The following CPSF6 variants were observed in gnomAD, a reference collection of about 807,000 sequenced individuals.
The protein encoded by CPSF6 is cleavage and polyadenylation specificity factor subunit 6.
Under a neutral mutation model 56.7 loss-of-function variants are expected in CPSF6, and 10 were observed. That is an observed-to-expected ratio of 0.18 (90% CI 0.11 to 0.30). CPSF6 has a LOEUF of 0.30. Ranked by LOEUF, CPSF6 falls within the 10% of genes least tolerant of loss-of-function variation. CPSF6 has a pLI of 1.00. For missense variants in CPSF6, 419 were observed against 722.9 expected, an observed-to-expected ratio of 0.58 and a Z score of 4.82; for synonymous variants, 248 against 244.8, an observed-to-expected ratio of 1.01 and a Z score of -0.12.
intron 1 of CPSF6, 62 bp downstream of exon 1, chr12:69,239,768 C>CG: frequency 6.8e-7 from 1 of 1,471,562 alleles, no homozygotes; most frequent in Non-Finnish European, 9.0e-7. Context: ...GAAGCTGACC[C>CG]GGGGCCCGCT....
chr12:69,271,265 G>T lies in CPSF6; in HGVS notation c.*1757G>T, dbSNP rs984309203. On this transcript the variant is annotated 3_prime_UTR_variant, in exon 10 of 10. Transcript: ENST00000435070. The stretch of plus-strand genomic sequence containing the variant: ...GCTTTTTTAACATTATTTTAGAGTT[G>T]TATCAAAATTTTCCTGTTTTCTGTA... The T allele has an allele frequency of 6.6e-6, 1 of 151,998 alleles. No individual in the cohort carries two copies. Among genetic ancestry groups the T allele is most frequent in the Non-Finnish European group, 1.5e-5 (1 of 67,646 alleles). 9.4% of individuals were successfully genotyped at this position (151,998 alleles called of 1,614,324 possible). A position where few individuals can be genotyped will look rare whatever the true frequency, so the allele number is the denominator to read the frequency against.
chr12:69,257,046 T>G (rs1295574791), intron 4 of CPSF6, among the ~76,000 whole-genome samples: 1 of 152,224 alleles, frequency 6.6e-6, no homozygotes, highest in Non-Finnish European at 1.5e-5. Context: ...TTTCTCCAGA[T>G]GTAACAGACC....
intron 1 of CPSF6, among the ~76,000 whole-genome samples, chr12:69,250,665 G>A (rs1221279483): frequency 7.2e-6 from 1 of 139,048 alleles, no homozygotes; most frequent in Non-Finnish European, 1.5e-5. Flanking sequence ...GTTTTTTTTT[G>A]AGATGAAGTC....
chr12:69,249,022 G>A (rs770492098), intron 1 of CPSF6, among the ~76,000 whole-genome samples: 22 of 151,540 alleles, frequency 1.5e-4, no homozygotes, highest in East Asian at 1.9e-4. Context: ...CGAGGCGGGC[G>A]GATCACGAGG....
At chr12:69,247,698 ACAT>A (rs1871987361) in intron 1 of CPSF6, among the ~76,000 whole-genome samples, 1 of 152,116 alleles carries the variant, frequency 6.6e-6, no homozygotes, top group Non-Finnish European at 1.5e-5. Flanking sequence ...TCTCATGCAA[ACAT>A]CATGCATATT....
chr12:69,257,669 G>T, intron 4 of CPSF6, 63 bp from the exon 5 acceptor site: 8 of 1,423,474 alleles, frequency 5.6e-6, no homozygotes, highest in African/African-American at 1.4e-5. Context: ...TTTAATAATA[G>T]TGGTTACATT....
chr12:69,260,156 C>T lies in CPSF6; in HGVS notation c.1428C>T (p.Cys476=), dbSNP rs1418931457. ...CKVLISSLQD[C]LHGIESKSYG... ...TTCTTATTAGTTCTTTGCAAGATTG[C>T]CTTCATGGAATTGAGTCCAAGTCTT... is the stretch of plus-strand genomic sequence containing the variant. The change falls in exon 8 of 10, where the codon TGC becomes TGT. Residue 476 remains cysteine (C), a synonymous_variant. Coordinates refer to ENST00000435070, the MANE Select transcript of CPSF6 (RefSeq NM_007007.3). The T allele has an allele frequency of 1.9e-6, 3 of 1,612,880 alleles. No individual in the cohort carries two copies. The highest frequency in any genetic ancestry group is 1.1e-5 in the South Asian group (1 of 90,906).
At chr12:69,248,079 C>T (rs1872009551) in intron 1 of CPSF6, among the ~76,000 whole-genome samples, 1 of 152,128 alleles carries the variant, frequency 6.6e-6, no homozygotes, top group Non-Finnish European at 1.5e-5. Flanking sequence ...AGAATCATAT[C>T]AATGTGGAAA....
intron 2 of CPSF6, among the ~76,000 whole-genome samples, chr12:69,252,580 A>G (rs1872303796): frequency 6.6e-6 from 1 of 152,190 alleles, no homozygotes; most frequent in South Asian, 2.1e-4. Flanking sequence ...TAAAATGGGT[A>G]TAATAATAGT....
At position 69,239,629 on chromosome 12, in the gene CPSF6, G is replaced by C. The variant is rs542620474; in HGVS notation, c.-18G>C. On this transcript the variant is annotated 5_prime_UTR_variant, in exon 1 of 10. Coordinates refer to ENST00000435070, the MANE Select transcript of CPSF6 (RefSeq NM_007007.3). ...TGCAGGAGGCGGCGGCGGCGGCGGC[G>C]GCCGAGGCTGAAGGAAGATGGCGGA... The C allele has an allele frequency of 1.9e-6, 3 of 1,562,984 alleles. No homozygotes were observed. Among genetic ancestry groups the C allele is most frequent in the African/African-American group, 1.4e-5 (1 of 70,564 alleles).
chr12:69,240,118 C>T (rs558632232), intron 1 of CPSF6, among the ~76,000 whole-genome samples: 7 of 151,246 alleles, frequency 4.6e-5, no homozygotes, highest in Non-Finnish European at 1.0e-4. Context: ...GGAGGAAGCC[C>T]TGGCGGGGCG....
intron 1 of CPSF6, among the ~76,000 whole-genome samples, chr12:69,246,953 C>T (rs1871938975): frequency 6.6e-6 from 1 of 152,140 alleles, no homozygotes; most frequent in South Asian, 2.1e-4. Flanking sequence ...GCATGAACCA[C>T]CATGCCTAGC....
Position 69,258,093 on chromosome 12 carries a change from T to A in CPSF6, c.694+188T>A. On this transcript the variant is annotated intron_variant, in intron 5 of 9. Transcript: ENST00000435070. The surrounding 1 kb of genome is among the most constrained non-coding windows in gnomAD (Gnocchi z 4.2). The stretch of plus-strand genomic sequence containing the variant: ...GGCCTTTGTTCCTGGAAACTAGGAT[T>A]CCATGGCATATGGGGCACAGCATAG... 1 of 1,536,780 alleles carries A rather than the reference T, an allele frequency of 6.5e-7. No homozygotes were observed. Among genetic ancestry groups the A allele is most frequent in the Non-Finnish European group, 8.7e-7 (1 of 1,146,902 alleles).
rs538098746 is a variant in CPSF6 at position 69,254,179 on chromosome 12, G to A, written c.374+1025G>A. Among the ~76,000 whole-genome samples, 20 of 106,696 alleles carry A rather than the reference G, an allele frequency of 1.9e-4. No homozygotes were observed. In the South Asian group the frequency reaches 5.4e-3, roughly 29 times the overall value. The allele number at this position is 106,696 out of a possible 152,430, so 70.0% of individuals were successfully genotyped here. On this transcript the variant is annotated intron_variant, in intron 3 of 9. Transcript: ENST00000435070. ...ACAGTCTGTACTCCACATAACAGAA[G>A]TTCTAAAAAAAAAATGACATTCTGC... is the stretch of plus-strand genomic sequence containing the variant.
At position 69,270,421 on chromosome 12, in the gene CPSF6, T is replaced by A. The variant is rs1873190089; in HGVS notation, c.*913T>A. Reference sequence around the variant, plus strand: ...TGTGAACCGCTAACATTGAAGAAATTTTGACAATTCCGATTTGATGCTGCA... The same window carrying A: ...TGTGAACCGCTAACATTGAAGAAATATTGACAATTCCGATTTGATGCTGCA... On this transcript the variant is annotated 3_prime_UTR_variant, in exon 10 of 10. Transcript: ENST00000435070. The A allele has an allele frequency of 6.6e-6, 1 of 152,052 alleles. No individual in the cohort carries two copies. The highest frequency in any genetic ancestry group is 2.4e-5 in the African/African-American group (1 of 41,388). 9.4% of individuals were successfully genotyped at this position (152,052 alleles called of 1,614,324 possible).
At chr12:69,263,182 A>G (rs921513071) in intron 9 of CPSF6, among the ~76,000 whole-genome samples, 7 of 152,082 alleles carry the variant, frequency 4.6e-5, no homozygotes, top group African/African-American at 1.7e-4. Flanking sequence ...AAGAAGATGT[A>G]AAAGTTAATC....
Position 69,260,102 on chromosome 12 carries a change from C to G in CPSF6, c.1374C>G (p.Ser458=), listed in dbSNP as rs1286252248. The change falls in exon 8 of 10, where the codon TCC becomes TCG. Residue 458 remains serine (S), a synonymous_variant. Transcript: ENST00000435070. ...CTGCAATTTCTTTAATTAAACAATCCAAAGTATCTGCTGATGATCGTTGCA... is the reference window on the plus strand; with the variant it reads ...CTGCAATTTCTTTAATTAAACAATCGAAAGTATCTGCTGATGATCGTTGCA... ...LVTAISLIKQ[S]KVSADDRCKV... 6.2e-7 allele frequency: 1 copy of G among 1,612,942 alleles called. No homozygotes were observed. The highest frequency in any genetic ancestry group is 1.1e-5 in the South Asian group (1 of 90,956).
At chr12:69,267,958 A>G (rs546692358) in intron 9 of CPSF6, among the ~76,000 whole-genome samples, 1 of 151,922 alleles carries the variant, frequency 6.6e-6, no homozygotes, top group South Asian at 2.1e-4. Context: ...GAAGAGTTGA[A>G]TATTTTTGTT....
In CPSF6 at chr12:69,269,626, A is replaced by G. The variant is rs1390022144; in HGVS notation, c.*118A>G. 2.5e-6 allele frequency: 1 copy of G among 394,500 alleles called. No homozygotes were observed. The highest frequency in any genetic ancestry group is 5.0e-6 in the Non-Finnish European group (1 of 198,468). 24.4% of individuals were successfully genotyped at this position (394,500 alleles called of 1,614,324 possible). ...TGAACCTGTAAGGATTCATGGATAA[A>G]ATGAACAGGAATAGATCTGAATAAA... On this transcript the variant is annotated 3_prime_UTR_variant, in exon 10 of 10. Transcript: ENST00000435070.
Sources: allele counts gnomAD v4.1 joint callset (sites outside exome capture counted in the v4.1 genomes callset), GRCh38; gene constraint gnomAD v4.1.1; non-coding constraint Gnocchi (gnomAD v3.1); transcripts MANE v1.5; gene names NCBI Gene and HGNC (gene_info 2026-07-23, HGNC 2026-07-21).